Variants in BLTP2 observed in about 807,000 individuals in gnomAD.
BLTP2 encodes the protein bridge-like lipid transfer protein family member 2, also known as U937-associated antigen.
the BLTP2 span, chr17:28,639,594 G>T: frequency 6.2e-7 from 1 of 1,614,136 alleles, no homozygotes; most frequent in East Asian, 2.2e-5. Context: ...AGCCTTGAGG[G>T]AGTTGAGGCA....
At chr17:28,640,134 C>T in the BLTP2 span, 10 of 1,230,644 alleles carry the variant, frequency 8.1e-6, no homozygotes, top group Non-Finnish European at 1.1e-5. Context: ...GTGGCTCACT[C>T]TTGTAATCCC....
the BLTP2 span, chr17:28,615,944 G>C: frequency 9.5e-7 from 1 of 1,055,428 alleles, no homozygotes; most frequent in Non-Finnish European, 1.4e-6. Context: ...GCCTCGTAAT[G>C]ATGCTGACTC....
the BLTP2 span, chr17:28,644,174 G>A: frequency 1.9e-6 from 3 of 1,613,324 alleles, no homozygotes; most frequent in African/African-American, 2.7e-5. Context: ...GTGGCCAACC[G>A]GACCACAAGC....
the BLTP2 span, chr17:28,615,210 C>T: frequency 6.2e-7 from 1 of 1,613,786 alleles, no homozygotes; most frequent in Non-Finnish European, 8.5e-7. Flanking sequence ...ACCTCAGAGC[C>T]TGTTGCAGAC....
chr17:28,623,614 C>A, the BLTP2 span: 402 of 662,650 alleles, frequency 6.1e-4, no homozygotes, highest in Non-Finnish European at 9.0e-4. Context: ...TGCTTCCAGA[C>A]CAGAGATTGC....
chr17:28,629,281 C>G, the BLTP2 span, among the ~76,000 whole-genome samples: 1 of 149,498 alleles, frequency 6.7e-6, no homozygotes, highest in Non-Finnish European at 1.5e-5. Flanking sequence ...GTCTCCCAGG[C>G]TGAAGTGCAG....
chr17:28,629,504 G>A, the BLTP2 span, among the ~76,000 whole-genome samples: 1 of 152,064 alleles, frequency 6.6e-6, no homozygotes, highest in East Asian at 1.9e-4. Context: ...TGGAAACAGA[G>A]TCTCACTCTT....
chr17:28,634,482 A>C, the BLTP2 span: 1 of 1,582,990 alleles, frequency 6.3e-7, no homozygotes, highest in Non-Finnish European at 8.6e-7. Context: ...CAGCGGGCAA[A>C]CACGGGGTCT....
the BLTP2 span, chr17:28,637,255 T>A: frequency 9.7e-7 from 1 of 1,028,074 alleles, no homozygotes; most frequent in Non-Finnish European, 1.5e-6. Context: ...ACTTATTCCC[T>A]TAACTATCTT....
the BLTP2 span, among the ~76,000 whole-genome samples, chr17:28,619,409 C>T: frequency 6.6e-6 from 1 of 151,978 alleles, no homozygotes; most frequent in Admixed American, 6.6e-5. Flanking sequence ...GGCAGGAGGA[C>T]TGCTTGAGCC....
chr17:28,632,873 T>G, the BLTP2 span: 1 of 1,202,878 alleles, frequency 8.3e-7, no homozygotes, highest in Non-Finnish European at 1.1e-6. Context: ...AGGGTCAAGC[T>G]AAAGTCCCCA....
the BLTP2 span, chr17:28,628,134 G>A: frequency 1.3e-6 from 1 of 788,192 alleles, no homozygotes; most frequent in Non-Finnish European, 2.0e-6. Flanking sequence ...GGTGGCCTAA[G>A]AAGGAAAAAT....
the BLTP2 span, among the ~76,000 whole-genome samples, chr17:28,644,600 C>G: frequency 6.6e-6 from 1 of 152,212 alleles, no homozygotes; most frequent in Admixed American, 6.5e-5. Flanking sequence ...TGAGGTCAGA[C>G]CCGGCAGCTC....
At chr17:28,639,040 A>G in the BLTP2 span, 2 of 497,538 alleles carry the variant, frequency 4.0e-6, no homozygotes, top group South Asian at 2.2e-5. Context: ...GGCAAGACAA[A>G]GACATTCCTT....
the BLTP2 span, among the ~76,000 whole-genome samples, chr17:28,634,326 C>T: frequency 1.3e-5 from 2 of 152,150 alleles, no homozygotes; most frequent in Admixed American, 6.5e-5. Flanking sequence ...TTAGCTTTCC[C>T]TTTATGTTAG....
the BLTP2 span, chr17:28,638,607 C>T: frequency 6.2e-7 from 1 of 1,613,328 alleles, no homozygotes; most frequent in Non-Finnish European, 8.5e-7. Flanking sequence ...GATGGAGGTG[C>T]TAAAGATGAT....
the BLTP2 span, chr17:28,632,822 A>G: frequency 2.9e-6 from 2 of 690,130 alleles, no homozygotes; most frequent in Non-Finnish European, 4.6e-6. Context: ...GTCCTAACCT[A>G]GATTCTCCCT....
chr17:28,633,268 C>T, the BLTP2 span: 2 of 1,606,558 alleles, frequency 1.2e-6, no homozygotes, highest in Non-Finnish European at 1.7e-6. Context: ...AGGACCCTCC[C>T]TTCACTCCAC....
the BLTP2 span, among the ~76,000 whole-genome samples, chr17:28,630,477 T>G: frequency 0.021 from 3,035 of 144,716 alleles, 111 homozygotes; most frequent in African/African-American, 0.074. Context: ...TTTTTTTTTT[T>G]TTTTTTTTTT....
Sources: allele counts gnomAD v4.1 joint callset (sites outside exome capture counted in the v4.1 genomes callset), GRCh38; gene constraint gnomAD v4.1.1; transcripts MANE v1.5; gene names NCBI Gene and HGNC (gene_info 2026-07-23, HGNC 2026-07-21).